Variants in RP1 observed in about 807,000 individuals in gnomAD.
RP1 encodes the protein RP1 axonemal microtubule associated.
RP1 carries 16 observed loss-of-function variants against 14.8 expected under a neutral mutation model. The ratio of observed to expected loss-of-function variants is 1.08; its 90% CI spans 0.73 to 1.65. The LOEUF (loss-of-function observed/expected upper bound fraction) is 1.65, where lower values mean the gene tolerates loss of function less well. Ranked by LOEUF, RP1 falls within the 40% of genes most tolerant of loss-of-function variation. The pLI is 0.00. For missense variants in RP1, 2,631 were observed against 2,535.0 expected (o/e 1.04, Z -0.81); for synonymous variants, 876 against 883.6 (o/e 0.99, Z 0.15).
At chr8:54,801,308 C>T (rs748510151) in intron 24 of RP1, among the ~76,000 whole-genome samples, 1 of 152,136 alleles carries the variant, frequency 6.6e-6, no homozygotes, top group African/African-American at 2.4e-5. Context: ...GGCAGTTGTA[C>T]GTTCTCAGAT....
rs190744154 is a variant in RP1 at position 54,587,350 on chromosome 8, C to T, written c.-13+28030C>T. Among the ~76,000 whole-genome samples the T allele has an allele frequency of 9.3e-5, 14 of 150,098 alleles. No homozygotes were observed. In the East Asian group the frequency reaches 1.6e-3, roughly 17 times the overall value. ...CTGAGACAGGAGAATTGCTTGAACTCGGAAGATGGAGGTTGTAGTGAGCCG... is the reference window on the plus strand; with the variant it reads ...CTGAGACAGGAGAATTGCTTGAACTTGGAAGATGGAGGTTGTAGTGAGCCG... On this transcript the variant is annotated intron_variant, in intron 1 of 22. Transcript: ENST00000636932.
intron 25 of RP1, among the ~76,000 whole-genome samples, chr8:54,850,301 G>T (rs1297760480): frequency 6.6e-6 from 1 of 152,112 alleles, no homozygotes. Flanking sequence ...CTCCATTCTG[G>T]AAAACATTGA....
chr8:54,802,921 G>T (rs748061707), intron 24 of RP1, among the ~76,000 whole-genome samples: 2 of 152,188 alleles, frequency 1.3e-5, no homozygotes, highest in African/African-American at 4.8e-5. Context: ...TGGGATCAGG[G>T]TGTGCTGGAT....
intron 1 of RP1, among the ~76,000 whole-genome samples, chr8:54,568,190 G>A (rs1804446759): frequency 6.6e-6 from 1 of 152,144 alleles, no homozygotes; most frequent in Non-Finnish European, 1.5e-5. Context: ...CTTGCTGAAG[G>A]TACCACATAA....
intron 24 of RP1, among the ~76,000 whole-genome samples, chr8:54,810,014 T>C (rs1388382262): frequency 6.6e-6 from 1 of 152,154 alleles, no homozygotes; most frequent in Non-Finnish European, 1.5e-5. Flanking sequence ...CTTTCACCAC[T>C]AGAAACAGTA....
At chr8:54,806,239 G>A (rs991438538) in intron 24 of RP1, among the ~76,000 whole-genome samples, 3 of 151,954 alleles carry the variant, frequency 2.0e-5, no homozygotes, top group Admixed American at 6.6e-5. Flanking sequence ...GACTGGTCTC[G>A]AACTCCTGAC....
Position 54,624,968 on chromosome 8 carries a change from T to G in RP1, c.1086T>G (p.Asp362Glu). The change falls in exon 4 of 4, where the codon GAT becomes GAG. Residue 362 changes from aspartate (D) to glutamate (E), a missense_variant. Transcript: ENST00000220676. ...GTAAAACTGGTCCTTCTAATAATGA[T>G]GAAAAGAGTGAGATGAGTTTTCCAG... is the stretch of plus-strand genomic sequence containing the variant. ...TVSKTGPSNN[D>E]EKSEMSFPGR... The G allele has an allele frequency of 6.2e-7, 1 of 1,614,136 alleles. No homozygotes were observed. The highest frequency in any genetic ancestry group is 8.5e-7 in the Non-Finnish European group (1 of 1,180,034).
intron 25 of RP1, among the ~76,000 whole-genome samples, chr8:54,845,362 G>T (rs1317726831): frequency 5.9e-5 from 9 of 152,152 alleles, no homozygotes; most frequent in Non-Finnish European, 2.9e-5. Flanking sequence ...TCAACGGATG[G>T]ATGAAAGAGC....
chr8:54,669,090 C>T (rs1027947315), intron 7 of RP1, among the ~76,000 whole-genome samples: 1 of 151,886 alleles, frequency 6.6e-6, no homozygotes, highest in African/African-American at 2.4e-5. Flanking sequence ...GTGAACAGGC[C>T]ACCTACAGAA....
intron 26 of RP1, among the ~76,000 whole-genome samples, chr8:54,855,725 A>G (rs1812178720): frequency 6.6e-6 from 1 of 152,158 alleles, no homozygotes; most frequent in Non-Finnish European, 1.5e-5. Context: ...CCAAATCACC[A>G]ATAAACATAA....
At chr8:54,825,126 C>T (rs1462039544) in intron 24 of RP1, among the ~76,000 whole-genome samples, 16 of 152,192 alleles carry the variant, frequency 1.1e-4, no homozygotes, top group African/African-American at 3.4e-4. Context: ...CCTGCCACCA[C>T]GGCCGGCTAA....
At position 54,697,214 on chromosome 8, in the gene RP1, T is replaced by A. The variant is rs900588148; in HGVS notation, c.1718-2253T>A. The A allele has an allele frequency of 7.4e-6, 5 of 675,500 alleles. No homozygotes were observed. The Admixed American group carries it at 1.1e-4, about 15-fold the overall frequency. 41.8% of individuals were successfully genotyped at this position (675,500 alleles called of 1,614,324 possible). A position where few individuals can be genotyped will look rare whatever the true frequency, so the allele number is the denominator to read the frequency against. On this transcript the variant is annotated intron_variant, in intron 12 of 22. Coordinates refer to the RP1 transcript ENST00000636932. ...TGGGGGAATTTTTATCCAGAGAAGA[T>A]TATTTCCTGCGTTATCTTCAAAAAC...
chr8:54,765,431 C>T (rs1293881954), intron 22 of RP1, among the ~76,000 whole-genome samples: 5 of 152,180 alleles, frequency 3.3e-5, no homozygotes. Context: ...GGAAAAGAAG[C>T]AGGGGCAGCC....
chr8:54,846,687 A>G (rs1811927474), intron 25 of RP1, among the ~76,000 whole-genome samples: 2 of 152,102 alleles, frequency 1.3e-5, no homozygotes, highest in Admixed American at 6.5e-5. Context: ...AAACTGACCA[A>G]TTCAATATAC....
At chr8:54,765,505 C>G (rs1563369897) in intron 22 of RP1, among the ~76,000 whole-genome samples, 1 of 152,220 alleles carries the variant, frequency 6.6e-6, no homozygotes, top group Non-Finnish European at 1.5e-5. Context: ...ACACCTAGGC[C>G]AGCTCTGCCT....
At position 54,572,559 on chromosome 8, in the gene RP1, C is replaced by T. The variant is rs16920532; in HGVS notation, c.-13+13239C>T. 6.3e-3 allele frequency among the ~76,000 whole-genome samples: 956 copies of T among 152,258 alleles called. 8 individuals carry two copies. Among genetic ancestry groups the T allele is most frequent in the Middle Eastern group, 0.017 (5 of 294 alleles). The stretch of plus-strand genomic sequence containing the variant: ...CTTCCTTGGATTATGTGGTTCTTTT[C>T]GTGTTGAAAGCAGAAAAGCTCTCTA... On this transcript the variant is annotated intron_variant, in intron 1 of 22. Transcript: ENST00000636932.
At chr8:54,856,267 C>A (rs1812196656) in intron 26 of RP1, among the ~76,000 whole-genome samples, 1 of 151,970 alleles carries the variant, frequency 6.6e-6, no homozygotes, top group African/African-American at 2.4e-5. Flanking sequence ...TGCTAAAAGT[C>A]AAGATAGTGG....
At chr8:54,819,592 G>A (rs1343980033) in intron 24 of RP1, among the ~76,000 whole-genome samples, 1 of 152,066 alleles carries the variant, frequency 6.6e-6, no homozygotes, top group Non-Finnish European at 1.5e-5. Context: ...GAGCTTCTCT[G>A]TACCTATTTT....
At chr8:54,647,783 T>C (rs927784814) in intron 3 of RP1, among the ~76,000 whole-genome samples, 8 of 152,080 alleles carry the variant, frequency 5.3e-5, no homozygotes, top group Non-Finnish European at 2.9e-5. Flanking sequence ...CTCAAATTCT[T>C]GGGCTCAAGC....
Sources: allele counts gnomAD v4.1 joint callset (sites outside exome capture counted in the v4.1 genomes callset), GRCh38; gene constraint gnomAD v4.1.1; transcripts MANE v1.5; gene names NCBI Gene and HGNC (gene_info 2026-07-23, HGNC 2026-07-21).